SGCZ: variants seen among roughly 807,000 people sequenced by gnomAD.
SGCZ encodes sarcoglycan zeta.
Under a neutral mutation model 41.3 loss-of-function variants are expected in SGCZ, and 40 were observed. The observed-to-expected ratio is 0.97, with a 90% CI of 0.75 to 1.26. The LOEUF (loss-of-function observed/expected upper bound fraction) is 1.26. SGCZ is among the 50% of genes most tolerant of loss of function. SGCZ has a pLI of 0.00. For missense variants in SGCZ, 552 were observed against 369.8 expected, an observed-to-expected ratio of 1.49 and a Z score of -4.04; for synonymous variants, 206 against 137.5, an observed-to-expected ratio of 1.50 and a Z score of -3.49.
At chr8:14,465,100 T>C (rs1801012359) in intron 2 of SGCZ, among the ~76,000 whole-genome samples, 1 of 151,660 alleles carries the variant, frequency 6.6e-6, no homozygotes, top group Admixed American at 6.6e-5. Context: ...ATCCAGTTTA[T>C]TGCATTGTTC....
At chr8:14,177,942 T>TCTTTTCTTTTTTTTA (rs1289883391) in intron 4 of SGCZ, among the ~76,000 whole-genome samples, 1 of 130,782 alleles carries the variant, frequency 7.6e-6, no homozygotes, top group Non-Finnish European at 1.6e-5. Flanking sequence ...CTTTTTTCCT[T>TCTTTTCTTTTTTTTA]CTTTTCTTTT....
intron 1 of SGCZ, among the ~76,000 whole-genome samples, chr8:14,908,447 T>C (rs1421404444): frequency 6.6e-6 from 1 of 152,074 alleles, no homozygotes; most frequent in Non-Finnish European, 1.5e-5. Flanking sequence ...AAGTTACAGA[T>C]TTTTGTTAAG....
intron 2 of SGCZ, among the ~76,000 whole-genome samples, chr8:14,520,804 T>C (rs1408595227): frequency 6.6e-6 from 1 of 152,150 alleles, no homozygotes; most frequent in Non-Finnish European, 1.5e-5. Flanking sequence ...TTATCATTTA[T>C]TATATTTAAA....
intron 1 of SGCZ, among the ~76,000 whole-genome samples, chr8:15,144,471 C>CTTTTT (rs113909802): frequency 6.9e-6 from 1 of 145,538 alleles, no homozygotes; most frequent in Non-Finnish European, 1.5e-5. Flanking sequence ...TTGACATTCA[C>CTTTTT]TTTTTTTTTT....
At chr8:14,961,302 G>T (rs1165533134) in intron 1 of SGCZ, among the ~76,000 whole-genome samples, 1 of 152,100 alleles carries the variant, frequency 6.6e-6, no homozygotes, top group Non-Finnish European at 1.5e-5. Context: ...GTTGTTTACT[G>T]TAGAAACTGA....
At chr8:15,123,606 C>G (rs1447077966) in intron 1 of SGCZ, among the ~76,000 whole-genome samples, 1 of 152,134 alleles carries the variant, frequency 6.6e-6, no homozygotes, top group Non-Finnish European at 1.5e-5. Flanking sequence ...ACCTGGGTGT[C>G]TTAATAATCT....
At chr8:14,819,336 G>A (rs901920649) in intron 1 of SGCZ, among the ~76,000 whole-genome samples, 6 of 151,984 alleles carry the variant, frequency 3.9e-5, no homozygotes, top group African/African-American at 7.2e-5. Context: ...CATTTACGAC[G>A]GACAGTTTTC....
chr8:14,697,491 C>G lies in SGCZ; in HGVS notation c.40-142565G>C, dbSNP rs138793687. Among the ~76,000 whole-genome samples, 10 of 152,150 alleles carry G rather than the reference C, an allele frequency of 6.6e-5. No individual in the cohort carries two copies. In the East Asian group the frequency reaches 1.7e-3, roughly 26 times the overall value. On this transcript the variant is annotated intron_variant, in intron 1 of 7. Transcript: ENST00000382080. Reference sequence around the variant, plus strand: ...CCAATCCCCTTGCTAATCATTAACACACACAAAAGGTGCAATCCATGTAGT... The same window carrying G: ...CCAATCCCCTTGCTAATCATTAACAGACACAAAAGGTGCAATCCATGTAGT...
At chr8:15,207,739 C>T (rs966936881) in intron 1 of SGCZ, among the ~76,000 whole-genome samples, 6 of 151,944 alleles carry the variant, frequency 3.9e-5, no homozygotes, top group African/African-American at 1.5e-4. Context: ...CCAGAAAGAA[C>T]AGTAAGATTT....
chr8:14,435,243 T>C (rs911257398), intron 2 of SGCZ, among the ~76,000 whole-genome samples: 1 of 152,230 alleles, frequency 6.6e-6, no homozygotes, highest in Non-Finnish European at 1.5e-5. Flanking sequence ...ATATTATTCA[T>C]GATGTTCCCT....
At chr8:14,357,712 T>C (rs1428570746) in intron 2 of SGCZ, among the ~76,000 whole-genome samples, 2 of 152,152 alleles carry the variant, frequency 1.3e-5, no homozygotes, top group African/African-American at 4.8e-5. Context: ...TATTCAATTC[T>C]CACAACGTTA....
At chr8:14,835,291 A>G (rs972962647) in intron 1 of SGCZ, among the ~76,000 whole-genome samples, 3 of 152,184 alleles carry the variant, frequency 2.0e-5, no homozygotes, top group Admixed American at 6.5e-5. Flanking sequence ...GACCTATTAT[A>G]CTAGGATTCC....
At chr8:14,445,968 C>T (rs553473941) in intron 2 of SGCZ, among the ~76,000 whole-genome samples, 1 of 152,134 alleles carries the variant, frequency 6.6e-6, no homozygotes, top group South Asian at 2.1e-4. Flanking sequence ...GGCCAGATCC[C>T]ACACACATTT....
At chr8:14,792,267 T>G (rs967378140) in intron 1 of SGCZ, among the ~76,000 whole-genome samples, 1 of 152,224 alleles carries the variant, frequency 6.6e-6, no homozygotes, top group Non-Finnish European at 1.5e-5. Context: ...TTCTTAATGA[T>G]TAAGATGATT....
At chr8:14,378,306 T>A (rs1437787110) in intron 2 of SGCZ, among the ~76,000 whole-genome samples, 1 of 152,106 alleles carries the variant, frequency 6.6e-6, no homozygotes, top group South Asian at 2.1e-4. Flanking sequence ...TTTCATGTGT[T>A]TTTTGGCTGC....
chr8:14,673,247 C>T (rs1460799131), intron 1 of SGCZ, among the ~76,000 whole-genome samples: 9 of 152,304 alleles, frequency 5.9e-5, no homozygotes, highest in East Asian at 3.9e-4. Context: ...TCTGTATCCC[C>T]ACCCAAATCT....
At chr8:14,898,908 G>A (rs1010347087) in intron 1 of SGCZ, among the ~76,000 whole-genome samples, 2 of 152,134 alleles carry the variant, frequency 1.3e-5, no homozygotes, top group Non-Finnish European at 1.5e-5. Flanking sequence ...AAATTGTTCT[G>A]AGAAAATATA....
At chr8:14,520,647 C>T (rs1225878748) in intron 2 of SGCZ, among the ~76,000 whole-genome samples, 2 of 152,024 alleles carry the variant, frequency 1.3e-5, no homozygotes, top group Admixed American at 6.6e-5. Flanking sequence ...CAATATATTT[C>T]TGTGTGAAAA....
intron 2 of SGCZ, among the ~76,000 whole-genome samples, chr8:14,418,095 G>A (rs111823830): frequency 9.2e-5 from 14 of 152,030 alleles, no homozygotes; most frequent in African/African-American, 3.1e-4. Context: ...CAAGGTGAAT[G>A]AGTAAAGACA....
Sources: allele counts gnomAD v4.1 joint callset (sites outside exome capture counted in the v4.1 genomes callset), GRCh38; gene constraint gnomAD v4.1.1; transcripts MANE v1.5; gene names NCBI Gene and HGNC (gene_info 2026-07-23, HGNC 2026-07-21).